Variants in CACNA2D3 observed in about 807,000 individuals in gnomAD.
CACNA2D3 encodes the protein calcium voltage-gated channel auxiliary subunit alpha2delta 3, also known as voltage-dependent calcium channel subunit alpha-2/delta-3.
CACNA2D3 carries 60 observed loss-of-function variants against 160.6 expected under a neutral mutation model. That is an observed-to-expected ratio of 0.37 (90% CI 0.30 to 0.46). The LOEUF is 0.46. CACNA2D3 is among the 20% of genes least tolerant of loss of function. CACNA2D3 has a pLI of 1.00. For synonymous variants in CACNA2D3, 558 were observed against 492.9 expected (o/e 1.13, Z -1.75); for missense variants, 1,205 against 1,365.0 (o/e 0.88, Z 1.85).
At chr3:54,988,552 CTGTTAA>C (rs1217928809) in intron 31 of CACNA2D3, among the ~76,000 whole-genome samples, 1 of 152,180 alleles carries the variant, frequency 6.6e-6, no homozygotes, top group Non-Finnish European at 1.5e-5. Flanking sequence ...ATATTTGATG[CTGTTAA>C]ATATATAATG....
intron 4 of CACNA2D3, among the ~76,000 whole-genome samples, chr3:54,491,063 C>G (rs1036956066): frequency 3.9e-5 from 6 of 152,218 alleles, no homozygotes; most frequent in African/African-American, 1.2e-4. Context: ...TTCTCTCTCT[C>G]TCTCCTGTTG....
intron 35 of CACNA2D3, among the ~76,000 whole-genome samples, chr3:55,032,009 C>T (rs568712850): frequency 1.1e-3 from 163 of 152,314 alleles, no homozygotes; most frequent in African/African-American, 3.8e-3. Context: ...AGATCTAAGC[C>T]TATATGAGAA....
At chr3:54,845,563 G>A (rs904670425) in intron 16 of CACNA2D3, among the ~76,000 whole-genome samples, 1 of 152,172 alleles carries the variant, frequency 6.6e-6, no homozygotes, top group Non-Finnish European at 1.5e-5. Context: ...ATGATTTGTA[G>A]GTAAATTTAT....
At chr3:54,689,608 T>C (rs1354687767) in intron 11 of CACNA2D3, among the ~76,000 whole-genome samples, 1 of 152,054 alleles carries the variant, frequency 6.6e-6, no homozygotes, top group Non-Finnish European at 1.5e-5. Flanking sequence ...AAACCCTCCT[T>C]CTCACTGCAC....
At chr3:54,751,451 G>A (rs903830167) in intron 11 of CACNA2D3, among the ~76,000 whole-genome samples, 2 of 145,068 alleles carry the variant, frequency 1.4e-5, no homozygotes, top group Admixed American at 6.7e-5. Flanking sequence ...CACTGTAAGC[G>A]TTTTTTGTGT....
At chr3:54,346,925 T>C (rs1038367053) in intron 3 of CACNA2D3, among the ~76,000 whole-genome samples, 2 of 152,256 alleles carry the variant, frequency 1.3e-5, no homozygotes, top group African/African-American at 4.8e-5. Context: ...ACATAAAGTT[T>C]ACCATTTTAA....
Position 54,366,924 on chromosome 3 carries a change from A to C in CACNA2D3, c.322-19791A>C, listed in dbSNP as rs146943520. On this transcript the variant is annotated intron_variant, in intron 3 of 37. Transcript: ENST00000474759. ...GCTCATAAAGAGAAAAGCAACCTTG[A>C]ATGGGAAGGGTGTTCCAAATTCAAA... 9.8e-5 allele frequency among the ~76,000 whole-genome samples: 15 copies of C among 152,358 alleles called. No homozygotes were observed. In the East Asian group the frequency reaches 2.5e-3, roughly 25 times the overall value.
intron 11 of CACNA2D3, among the ~76,000 whole-genome samples, chr3:54,674,520 TG>T (rs997520968): frequency 1.3e-5 from 2 of 152,136 alleles, no homozygotes; most frequent in African/African-American, 4.8e-5. Flanking sequence ...AAATTTAAAG[TG>T]GGACTGGCCA....
intron 13 of CACNA2D3, among the ~76,000 whole-genome samples, chr3:54,785,735 A>T (rs1485274898): frequency 1.3e-5 from 2 of 152,218 alleles, no homozygotes; most frequent in Non-Finnish European, 2.9e-5. Flanking sequence ...CTTGGTTGGT[A>T]CCAAAAGATA....
chr3:54,548,836 C>G (rs915341183), intron 5 of CACNA2D3, among the ~76,000 whole-genome samples: 2 of 152,220 alleles, frequency 1.3e-5, no homozygotes, highest in Non-Finnish European at 2.9e-5. Context: ...CTGTGTTGGA[C>G]GTGGCCCTGC....
chr3:54,581,850 G>A lies in CACNA2D3; in HGVS notation c.936G>A (p.Leu312=), dbSNP rs779412428. 3 of 1,613,730 alleles carry A rather than the reference G, an allele frequency of 1.9e-6. No homozygotes were observed. Among genetic ancestry groups the A allele is most frequent in the Non-Finnish European group, 2.5e-6 (3 of 1,179,848 alleles). Residue 312 remains leucine, a synonymous_variant, in exon 9 of 38, where the codon TTG becomes TTA. Coordinates refer to ENST00000474759, the MANE Select transcript of CACNA2D3 (RefSeq NM_018398.3). ...HYVEPCLNGT[L]VQADRTNKEH... is the part of the protein sequence containing the mutation. ...TGGAACCTTGCCTGAATGGAACTTT[G>A]GTGCAAGCCGACAGGACAAACAAAG...
At chr3:54,836,759 G>A (rs1025560401) in intron 14 of CACNA2D3, among the ~76,000 whole-genome samples, 9 of 152,154 alleles carry the variant, frequency 5.9e-5, no homozygotes, top group African/African-American at 1.4e-4. Flanking sequence ...GACCCTTTAT[G>A]TGCATGCTTT....
intron 9 of CACNA2D3, among the ~76,000 whole-genome samples, chr3:54,599,130 C>A (rs1703017055): frequency 6.6e-6 from 1 of 152,138 alleles, no homozygotes; most frequent in Non-Finnish European, 1.5e-5. Context: ...CTGACTGGAA[C>A]ATTGTGAATG....
At chr3:54,944,518 T>G (rs1701560033) in intron 27 of CACNA2D3, among the ~76,000 whole-genome samples, 1 of 152,094 alleles carries the variant, frequency 6.6e-6, no homozygotes, top group Non-Finnish European at 1.5e-5. Context: ...CCTCCCGGGT[T>G]CACGCCATTC....
At chr3:54,663,826 A>G (rs1194781948) in intron 11 of CACNA2D3, among the ~76,000 whole-genome samples, 2 of 152,196 alleles carry the variant, frequency 1.3e-5, no homozygotes, top group East Asian at 3.9e-4. Context: ...GGTCATCTGC[A>G]TGCAGTGTGG....
intron 4 of CACNA2D3, among the ~76,000 whole-genome samples, chr3:54,463,593 C>T (rs1700550475): frequency 6.6e-6 from 1 of 152,008 alleles, no homozygotes; most frequent in African/African-American, 2.4e-5. Context: ...GCATTCTTCA[C>T]AGTTCTCGAG....
chr3:54,925,607 C>G (rs1410096728), intron 27 of CACNA2D3, among the ~76,000 whole-genome samples: 1 of 152,186 alleles, frequency 6.6e-6, no homozygotes, highest in Non-Finnish European at 1.5e-5. Context: ...ATTTCAGATA[C>G]TTACATTTCT....
chr3:54,898,488 GCTGGGACCATGC>G (rs1164926347), intron 26 of CACNA2D3, among the ~76,000 whole-genome samples: 1 of 152,192 alleles, frequency 6.6e-6, no homozygotes, highest in African/African-American at 2.4e-5. Flanking sequence ...TTCCCAAAGT[GCTGGGACCATGC>G]CTGGCCTGAA....
intron 14 of CACNA2D3, among the ~76,000 whole-genome samples, chr3:54,823,133 G>A (rs1311276823): frequency 6.6e-6 from 1 of 151,856 alleles, no homozygotes; most frequent in African/African-American, 2.4e-5. Flanking sequence ...GGGATTCCAG[G>A]TATGAGCCAC....
Sources: allele counts gnomAD v4.1 joint callset (sites outside exome capture counted in the v4.1 genomes callset), GRCh38; gene constraint gnomAD v4.1.1; transcripts MANE v1.5; gene names NCBI Gene and HGNC (gene_info 2026-07-23, HGNC 2026-07-21).